The following AFF2 variants were observed in gnomAD, a reference collection of about 807,000 sequenced individuals.
The protein encoded by AFF2 is ALF transcription elongation factor 2.
A neutral mutation model predicts 76.9 loss-of-function variants in AFF2; 14 were observed. The ratio of observed to expected loss-of-function variants is 0.18; its 90% confidence interval spans 0.12 to 0.28. AFF2 has a LOEUF of 0.28. Among genes scored for constraint, AFF2 ranks in the 10% least tolerant of loss-of-function variants. The pLI is 1.00. For missense variants in AFF2, 868 were observed against 1,001.1 expected (o/e 0.87, Z 1.79); for synonymous variants, 398 against 366.7 (o/e 1.09, Z -0.98).
At position 148,500,972 on chromosome X, in the gene AFF2, T is replaced by G. The variant is rs2052340733; in HGVS notation, c.-126T>G. 3.4e-6 allele frequency: 3 copies of G among 880,743 alleles called. No homozygotes were observed. The highest frequency in any genetic ancestry group is 4.6e-6 in the Non-Finnish European group (3 of 651,824). 72.6% of individuals were successfully genotyped at this position (880,743 alleles called of 1,213,427 possible). A position where few individuals can be genotyped will look rare whatever the true frequency, so the allele number is the denominator to read the frequency against. On this transcript the variant is annotated 5_prime_UTR_variant, in exon 1 of 21. Transcript: ENST00000370460. ...GCTGCTGCCGATGCGGCCCGGACAC[T>G]TTTAGCTGGGCGGGAGGGCTGGAGA...
At chrX:148,966,680 T>C (rs2072178392) in intron 13 of AFF2, 110 bp from the exon 14 acceptor site, 7 of 96,151 alleles carry the variant, frequency 7.3e-5, no homozygotes, top group Non-Finnish European at 1.4e-4. Flanking sequence ...TTTCTTTCTT[T>C]TTTTTTTTTT....
intron 1 of AFF2, among the ~76,000 whole-genome samples, chrX:148,541,539 C>G (rs2052857255): frequency 9.0e-6 from 1 of 111,251 alleles, no homozygotes; most frequent in African/African-American, 3.3e-5. Flanking sequence ...AAGTTGTAAT[C>G]CACCACTTTC....
At chrX:148,894,292 G>C (rs1276820483) in intron 8 of AFF2, among the ~76,000 whole-genome samples, 1 of 111,509 alleles carries the variant, frequency 9.0e-6, no homozygotes, top group East Asian at 2.8e-4. Flanking sequence ...CTCCCCCCCA[G>C]ATATCTGCCA....
intron 3 of AFF2, among the ~76,000 whole-genome samples, chrX:148,801,343 A>G (rs782570021): frequency 5.1e-4 from 57 of 111,827 alleles, no homozygotes; most frequent in African/African-American, 1.8e-3. Flanking sequence ...TAGCAAGTCT[A>G]TGATCCATGT....
intron 1 of AFF2, among the ~76,000 whole-genome samples, chrX:148,532,317 A>G (rs1557236019): frequency 8.9e-6 from 1 of 112,042 alleles, no homozygotes; most frequent in African/African-American, 3.2e-5. Context: ...TTTTAACTTA[A>G]TGTTGGACTG....
rs1557293805 is a variant in AFF2, at chrX:148,999,027, T to C, written c.*7695T>C. On this transcript the variant is annotated 3_prime_UTR_variant, in exon 21 of 21. Transcript: ENST00000370460. The stretch of plus-strand genomic sequence containing the variant: ...GTTTTCAAAGAATGCTCCATGTTCA[T>C]TGGGCCCTTTCACACCCCACAGTGA... The C allele has an allele frequency of 9.0e-6, 1 of 111,672 alleles. No homozygotes were observed. The highest frequency in any genetic ancestry group is 1.9e-5 in the Non-Finnish European group (1 of 53,148). The allele number at this position is 111,672 out of a possible 1,213,427, so 9.2% of individuals were successfully genotyped here.
At chrX:148,731,387 T>C (rs1283036520) in intron 3 of AFF2, among the ~76,000 whole-genome samples, 1 of 112,101 alleles carries the variant, frequency 8.9e-6, no homozygotes, top group Non-Finnish European at 1.9e-5. Context: ...TCACTTTTTA[T>C]ACTCCATCCC....
intron 1 of AFF2, among the ~76,000 whole-genome samples, chrX:148,597,243 A>G (rs1186203172): frequency 9.0e-6 from 1 of 111,202 alleles, no homozygotes; most frequent in East Asian, 2.8e-4. Flanking sequence ...TACCCTATGA[A>G]AGGCCCTATG....
intron 4 of AFF2, among the ~76,000 whole-genome samples, chrX:148,818,031 C>A (rs1341694880): frequency 9.0e-6 from 1 of 111,519 alleles, no homozygotes; most frequent in Non-Finnish European, 1.9e-5. Context: ...TCAAAGCATT[C>A]TCATTATAGT....
chrX:148,913,451 G>T (rs186406256), intron 9 of AFF2, among the ~76,000 whole-genome samples: 84 of 112,117 alleles, frequency 7.5e-4, no homozygotes, highest in Non-Finnish European at 1.5e-4. Context: ...ATATCTGTAA[G>T]GATAAGTTTC....
At chrX:148,974,541 A>G (rs2072298164) in intron 16 of AFF2, among the ~76,000 whole-genome samples, 1 of 112,108 alleles carries the variant, frequency 8.9e-6, no homozygotes, top group South Asian at 3.8e-4. Context: ...AAATCTGAGG[A>G]TATTTGTACC....
At chrX:148,570,019 C>G (rs2053211418) in intron 1 of AFF2, among the ~76,000 whole-genome samples, 2 of 111,404 alleles carry the variant, frequency 1.8e-5, no homozygotes, top group Non-Finnish European at 3.8e-5. Flanking sequence ...AGACAGGCTA[C>G]CATAATTAAT....
At chrX:148,747,470 A>G (rs898255363) in intron 3 of AFF2, among the ~76,000 whole-genome samples, 2 of 112,172 alleles carry the variant, frequency 1.8e-5, no homozygotes, top group Non-Finnish European at 3.8e-5. Context: ...AAGTAACACA[A>G]TTTGAATCTT....
At chrX:148,796,731 T>G (rs942692105) in intron 3 of AFF2, among the ~76,000 whole-genome samples, 15 of 112,310 alleles carry the variant, frequency 1.3e-4, no homozygotes, top group Admixed American at 2.8e-4. Context: ...TTGCCAAATC[T>G]TGATTAAAAT....
At chrX:148,561,951 T>G (rs781783695) in intron 1 of AFF2, among the ~76,000 whole-genome samples, 1 of 111,790 alleles carries the variant, frequency 8.9e-6, no homozygotes, top group South Asian at 3.8e-4. Flanking sequence ...GAAGTAAAAG[T>G]CAATGTTGAA....
intron 15 of AFF2, 60 bp downstream of exon 15, chrX:148,967,752 CAAAG>C (rs2072198910): frequency 9.2e-7 from 1 of 1,091,976 alleles, no homozygotes; most frequent in Admixed American, 2.4e-5. Context: ...CAAAGGAAAA[CAAAG>C]AAAGCACTTT....
intron 3 of AFF2, among the ~76,000 whole-genome samples, chrX:148,761,043 A>G (rs1479794867): frequency 8.9e-6 from 1 of 111,781 alleles, no homozygotes; most frequent in East Asian, 2.8e-4. Context: ...TAAGAACACT[A>G]TTCCTATGTA....
At chrX:148,714,311 ATG>A (rs1194151786) in intron 3 of AFF2, among the ~76,000 whole-genome samples, 2 of 112,016 alleles carry the variant, frequency 1.8e-5, no homozygotes, top group African/African-American at 6.5e-5. Flanking sequence ...GATTTAGGGT[ATG>A]TGTCTTTATG....
chrX:148,576,850 A>T (rs1181602413), intron 1 of AFF2, among the ~76,000 whole-genome samples: 2 of 110,181 alleles, frequency 1.8e-5, no homozygotes, highest in African/African-American at 6.6e-5. Context: ...GCTTCATAAT[A>T]CAATTATTTT....
Sources: allele counts gnomAD v4.1 joint callset (sites outside exome capture counted in the v4.1 genomes callset), GRCh38; gene constraint gnomAD v4.1.1; transcripts MANE v1.5; gene names NCBI Gene and HGNC (gene_info 2026-07-23, HGNC 2026-07-21).